Variants in FLYWCH1 observed in about 807,000 individuals in gnomAD.
FLYWCH1 encodes the protein FLYWCH-type zinc finger 1.
In FLYWCH1, 75 loss-of-function variants were observed where a neutral mutation model predicts 66.4. The ratio of observed to expected loss-of-function variants is 1.13; its 90% CI spans 0.94 to 1.37. The LOEUF is 1.37. Among genes scored for constraint, FLYWCH1 ranks in the 40% most tolerant of loss-of-function variants. The pLI is 0.00. For synonymous variants in FLYWCH1, 595 were observed against 429.9 expected, an observed-to-expected ratio of 1.38 and a Z score of -4.75; for missense variants, 1,334 against 1,001.8, an observed-to-expected ratio of 1.33 and a Z score of -4.48.
intron 1 of FLYWCH1, among the ~76,000 whole-genome samples, chr16:2,913,468 C>T (rs977208935): frequency 2.4e-4 from 37 of 152,114 alleles, no homozygotes; most frequent in African/African-American, 8.4e-4. Context: ...TGCTTTGGAG[C>T]TGTGGCTCTT....
rs181336409 is a variant in FLYWCH1 at position 2,932,928 on chromosome 16, T to G, written c.797-202T>G. Among the ~76,000 whole-genome samples, 283 of 151,738 alleles carry G rather than the reference T, an allele frequency of 1.9e-3. 2 individuals are homozygous for G. The highest frequency in any genetic ancestry group is 4.0e-3 in the Admixed American group (61 of 15,254). The stretch of plus-strand genomic sequence containing the variant: ...GCCTCACTGACCGCTAGGAGAGGAA[T>G]GAGACTCTCCTCCGGGTCGCTTGGT... On this transcript the variant is annotated intron_variant, in intron 4 of 9. Coordinates refer to ENST00000253928, the MANE Select transcript of FLYWCH1 (RefSeq NM_001308068.2).
chr16:2,941,933 G>A (rs558181822), intron 9 of FLYWCH1, among the ~76,000 whole-genome samples: 1 of 141,422 alleles, frequency 7.1e-6, no homozygotes, highest in South Asian at 2.4e-4. Context: ...GGAGGTGGAG[G>A]TTGCAGTGAG....
At chr16:2,941,386 T>G (rs1394567294) in intron 9 of FLYWCH1, among the ~76,000 whole-genome samples, 1 of 152,118 alleles carries the variant, frequency 6.6e-6, no homozygotes, top group East Asian at 1.9e-4. Flanking sequence ...TAGAGGGAAA[T>G]CTATAGCTAA....
At chr16:2,939,454 C>T (rs1485477048) in intron 8 of FLYWCH1, among the ~76,000 whole-genome samples, 1 of 143,104 alleles carries the variant, frequency 7.0e-6, no homozygotes, top group Non-Finnish European at 1.6e-5. Flanking sequence ...GAAACTCCAT[C>T]TCAAAAAAAG....
At chr16:2,944,652 G>A (rs1046856353) in intron 9 of FLYWCH1, among the ~76,000 whole-genome samples, 6 of 151,104 alleles carry the variant, frequency 4.0e-5, no homozygotes, top group East Asian at 2.0e-4. Context: ...GTGAAACCCC[G>A]TCTCTACTAA....
In FLYWCH1 at chr16:2,937,189, C is replaced by T. The variant is rs781110549; in HGVS notation, c.1582C>T (p.Arg528Trp). ...GGTGTACGAGTCCTTCCTCTACCGG[C>T]GGGAGAAGGCGGCCGGGGAGAAGGT... Reference protein sequence around the residue: ...FLVYESFLYRREKAAGEKVYW... With the variant: ...FLVYESFLYRWEKAAGEKVYW... The change falls in exon 7 of 10, where the codon CGG (arginine) becomes TGG (tryptophan). Residue 528 changes from arginine to tryptophan, a missense_variant. By Grantham distance (101) the Arg-to-Trp change is moderately radical. Coordinates refer to ENST00000253928, the MANE Select transcript of FLYWCH1 (RefSeq NM_001308068.2). 15 of 1,605,078 alleles carry T rather than the reference C, an allele frequency of 9.3e-6. No homozygotes were observed. Among genetic ancestry groups the T allele is most frequent in the East Asian group, 2.2e-5 (1 of 44,534 alleles).
At chr16:2,946,917 G>A (rs1351165636) in intron 9 of FLYWCH1, among the ~76,000 whole-genome samples, 1 of 152,058 alleles carries the variant, frequency 6.6e-6, no homozygotes, top group Non-Finnish European at 1.5e-5. Context: ...AAATGGCCCA[G>A]CCACTTTGGA....
intron 4 of FLYWCH1, among the ~76,000 whole-genome samples, chr16:2,931,202 C>T (rs964176752): frequency 2.7e-5 from 4 of 148,902 alleles, no homozygotes; most frequent in African/African-American, 1.0e-4. Context: ...ACTCAGGAGA[C>T]TGAGGCAGGA....
chr16:2,947,132 G>A (rs2071518155), intron 9 of FLYWCH1, among the ~76,000 whole-genome samples: 1 of 152,166 alleles, frequency 6.6e-6, no homozygotes, highest in South Asian at 2.1e-4. Context: ...TTTATACGAT[G>A]AAATATTGTC....
chr16:2,946,316 CTTTTTTTTTTT>C (rs58279573), intron 9 of FLYWCH1, among the ~76,000 whole-genome samples: 314 of 75,556 alleles, frequency 4.2e-3, no homozygotes, highest in Non-Finnish European at 6.4e-3. Context: ...GTGGGCTGTA[CTTTTTTTTTTT>C]TTTTTTTTTT....
intron 9 of FLYWCH1, among the ~76,000 whole-genome samples, chr16:2,945,618 G>A (rs1259415485): frequency 6.9e-6 from 1 of 144,226 alleles, no homozygotes; most frequent in Non-Finnish European, 1.5e-5. Context: ...TCTCCAGCCT[G>A]GAAGACTACA....
At chr16:2,923,088 T>C in intron 2 of FLYWCH1, 1 of 418,524 alleles carries the variant, frequency 2.4e-6, no homozygotes. Flanking sequence ...TTATAGTTTG[T>C]TTTGTGTGTG....
chr16:2,915,123 T>G (rs1409115815), intron 2 of FLYWCH1: 1 of 150,428 alleles, frequency 6.6e-6, no homozygotes, highest in East Asian at 1.9e-4. Context: ...ATACTCATTT[T>G]TATTACATGC....
At chr16:2,924,231 G>T (rs1261893976) in intron 2 of FLYWCH1, among the ~76,000 whole-genome samples, 4 of 151,956 alleles carry the variant, frequency 2.6e-5, no homozygotes, top group African/African-American at 9.7e-5. Flanking sequence ...TCGGGAGGCT[G>T]AGGCAGGAGA....
Position 2,933,853 on chromosome 16 carries a change from C to G in FLYWCH1, c.1387C>G (p.Arg463Gly). The G allele has an allele frequency of 1.9e-6, 3 of 1,606,762 alleles. No individual in the cohort carries two copies. Among genetic ancestry groups the G allele is most frequent in the South Asian group, 2.2e-5 (2 of 90,060 alleles). Residue 463 changes from arginine to glycine, a missense_variant, in exon 6 of 10, where the codon CGC becomes GGC. Transcript: ENST00000253928. The part of the protein sequence containing the change: ...RDQARMGCRS[R>G]AITQGRRVTV... ...CCAGGCCCGCATGGGCTGCCGCAGC[C>G]GCGCCATCACCCAGGGCCGACGGGT...
chr16:2,917,320 C>G (rs140172985), intron 2 of FLYWCH1, among the ~76,000 whole-genome samples: 8,526 of 150,246 alleles, frequency 0.057, 358 homozygotes, highest in Middle Eastern at 0.095. Flanking sequence ...ACTTCCACCT[C>G]CCGGGTACAA....
At position 2,938,023 on chromosome 16, in the gene FLYWCH1, T is replaced by C. The variant is rs562660142; in HGVS notation, c.1778-161T>C. Among the ~76,000 whole-genome samples the C allele has an allele frequency of 6.6e-5, 10 of 152,262 alleles. No homozygotes were observed. The East Asian group carries it at 1.9e-3, about 29-fold the overall frequency. The stretch of plus-strand genomic sequence containing the variant: ...GAAAGGGCCAGCCAGCGTGGGAGTC[T>C]GGGCTGCAGGGCCCAGAGGGGAGGA... On this transcript the variant is annotated intron_variant, in intron 7 of 9. Coordinates refer to ENST00000253928, the MANE Select transcript of FLYWCH1 (RefSeq NM_001308068.2).
At chr16:2,937,443 C>CGCTGGCTGGAG in intron 7 of FLYWCH1, 59 bp downstream of exon 7, 1 of 1,470,334 alleles carries the variant, frequency 6.8e-7, no homozygotes, top group Non-Finnish European at 9.0e-7. Flanking sequence ...GTGCCCCACA[C>CGCTGGCTGGAG]GCTGGCTGGA....
At position 2,937,277 on chromosome 16, in the gene FLYWCH1, G is replaced by C. The variant is rs202221080; in HGVS notation, c.1670G>C (p.Arg557Pro). Residue 557 changes from arginine to proline, a missense_variant, in exon 7 of 10, where the codon CGG becomes CCG. Coordinates refer to ENST00000253928, the MANE Select transcript of FLYWCH1 (RefSeq NM_001308068.2). ...GCRSRAITQG[R>P]RVMVMRRHCH... is the part of the protein sequence containing the mutation. ...CGCAGCCGCGCCATCACCCAGGGCCGGCGGGTCATGGTCATGCGCAGGCAC... is the reference window on the plus strand; with the variant it reads ...CGCAGCCGCGCCATCACCCAGGGCCCGCGGGTCATGGTCATGCGCAGGCAC... The C allele has an allele frequency of 6.2e-7, 1 of 1,605,024 alleles. No homozygotes were observed. Among genetic ancestry groups the C allele is most frequent in the South Asian group, 1.1e-5 (1 of 90,124 alleles).
Sources: allele counts gnomAD v4.1 joint callset (sites outside exome capture counted in the v4.1 genomes callset), GRCh38; gene constraint gnomAD v4.1.1; transcripts MANE v1.5; gene names NCBI Gene and HGNC (gene_info 2026-07-23, HGNC 2026-07-21).